Variants in NLRC4 observed in about 807,000 individuals in gnomAD.
The protein encoded by NLRC4 is NLR family CARD domain-containing protein 4.
Under a neutral mutation model 79.9 loss-of-function variants are expected in NLRC4, and 63 were observed. That is an observed-to-expected ratio of 0.79 (90% CI 0.64 to 0.97). The LOEUF (loss-of-function observed/expected upper bound fraction) is 0.97, where lower values mean the gene tolerates loss of function less well. Among genes scored for constraint, NLRC4 ranks in the 50% least tolerant of loss-of-function variants. The pLI, the probability that NLRC4 is intolerant of heterozygous loss-of-function variation, is 0.00. For missense variants in NLRC4, 1,074 were observed against 1,215.2 expected, an observed-to-expected ratio of 0.88 and a Z score of 1.73; for synonymous variants, 461 against 456.5, an observed-to-expected ratio of 1.01 and a Z score of -0.12.
Position 32,249,310 on chromosome 2 carries a change from T to A in NLRC4, c.2257+297A>T, listed in dbSNP as rs944099897. Among the ~76,000 whole-genome samples, 25 of 152,220 alleles carry A rather than the reference T, an allele frequency of 1.6e-4. 1 individual carries two copies. Among genetic ancestry groups the A allele is most frequent in the Non-Finnish European group, 4.4e-5 (3 of 68,038 alleles). On this transcript the variant is annotated intron_variant, in intron 4 of 8. Coordinates refer to ENST00000402280, the MANE Select transcript of NLRC4 (RefSeq NM_001199138.2). ...GAACATGGGTTGTATGTTACATGCA[T>A]GTTTATTCAATATGCATGTATCAAG...
At position 32,252,458 on chromosome 2, in the gene NLRC4, C is replaced by T; in HGVS notation, c.223G>A (p.Glu75Lys). 1 of 1,609,774 alleles carries T rather than the reference C, an allele frequency of 6.2e-7. No homozygotes were observed. ...SCNLFLKSLK[E>K]WNYPLFQDLN... The stretch of plus-strand genomic sequence containing the variant: ...TCCTGAAATAGAGGATAGTTCCACT[C>T]CTTAAGGGATTTAAGAAAGAGGTTA... Residue 75 changes from glutamate (E) to lysine (K), a missense_variant, in exon 3 of 9, where the codon GAG becomes AAG. Physicochemically the swap from Glu to Lys is moderately conservative, Grantham distance 56. Transcript: ENST00000402280.
At chr2:32,233,349 A>ATATATATATATATT (rs1418146489) in intron 8 of NLRC4, among the ~76,000 whole-genome samples, 1 of 41,096 alleles carries the variant, frequency 2.4e-5, no homozygotes, top group Non-Finnish European at 4.4e-5. Flanking sequence ...ATATATATAT[A>ATATATATATATATT]TTTTTTTTTT....
rs746889400 is a variant in NLRC4, at chr2:32,252,681, T to C, written c.2-2A>G. On this transcript the variant is annotated splice_acceptor_variant, in intron 2 of 8. Coordinates refer to ENST00000402280, the MANE Select transcript of NLRC4 (RefSeq NM_001199138.2). LOFTEE classifies it high-confidence loss of function. ...GGCTATTGTCCTTTATGAAATTCAC[T>C]GAGGAGATGGGGAGAAATATACATA... The C allele has an allele frequency of 1.4e-5, 23 of 1,611,324 alleles. No individual in the cohort carries two copies. The East Asian group carries it at 4.9e-4, about 34-fold the overall frequency.
intron 8 of NLRC4, among the ~76,000 whole-genome samples, chr2:32,229,470 G>C (rs1385109135): frequency 2.0e-5 from 3 of 152,172 alleles, no homozygotes; most frequent in Non-Finnish European, 4.4e-5. Flanking sequence ...CTGCAGCCTG[G>C]AACAAAACAA....
intron 6 of NLRC4, among the ~76,000 whole-genome samples, chr2:32,237,148 C>G (rs1389885616): frequency 6.6e-6 from 1 of 152,160 alleles, no homozygotes; most frequent in African/African-American, 2.4e-5. Context: ...CATATTATCA[C>G]TCTTGCTTAA....
intron 8 of NLRC4, among the ~76,000 whole-genome samples, chr2:32,230,817 A>G (rs1362483211): frequency 1.3e-5 from 2 of 152,204 alleles, no homozygotes; most frequent in Non-Finnish European, 2.9e-5. Flanking sequence ...TGACAACTCT[A>G]TGTTTAACAT....
intron 8 of NLRC4, among the ~76,000 whole-genome samples, chr2:32,227,563 C>G (rs557106746): frequency 3.9e-5 from 6 of 152,242 alleles, no homozygotes; most frequent in Admixed American, 3.3e-4. Context: ...TTTTCTCCTT[C>G]TCAGCTAGCA....
At chr2:32,236,173 G>T in intron 7 of NLRC4, 74 bp downstream of exon 7, 1 of 908,990 alleles carries the variant, frequency 1.1e-6, no homozygotes, top group Non-Finnish European at 1.7e-6. Context: ...AAGACCTCAG[G>T]ACCCAGGCTA....
At chr2:32,228,266 C>T (rs941949250) in intron 8 of NLRC4, among the ~76,000 whole-genome samples, 6 of 152,124 alleles carry the variant, frequency 3.9e-5, no homozygotes, top group African/African-American at 9.7e-5. Context: ...AGAACACTTG[C>T]AATTGGGCTT....
At chr2:32,265,048 C>G (rs1250290327), upstream of NLRC4, among the ~76,000 whole-genome samples, 1 of 152,018 alleles carries the variant, frequency 6.6e-6, no homozygotes, top group Non-Finnish European at 1.5e-5. Context: ...GAAATTCCGT[C>G]AAGAAAGGAA....
chr2:32,243,746 C>T (rs1175890714), intron 4 of NLRC4, among the ~76,000 whole-genome samples: 4 of 147,254 alleles, frequency 2.7e-5, no homozygotes, highest in African/African-American at 5.1e-5. Flanking sequence ...TGCAGTGAGC[C>T]GAGATCGCAT....
chr2:32,265,131 A>G (rs1365943790), upstream of NLRC4, among the ~76,000 whole-genome samples: 2 of 152,094 alleles, frequency 1.3e-5, no homozygotes, highest in Non-Finnish European at 2.9e-5. Flanking sequence ...TATACCTTAA[A>G]ATGAAACAAA....
In NLRC4 at chr2:32,224,456, C is replaced by T. The variant is rs771310570; in HGVS notation, c.*17G>A. On this transcript the variant is annotated 3_prime_UTR_variant, in exon 9 of 9. Transcript: ENST00000402280. The stretch of plus-strand genomic sequence containing the variant: ...AATGAGGTCCCAGAGCACTTACTGG[C>T]TTCGAGTACACTTTATTTAAGCAGT... 7 of 1,556,378 alleles carry T rather than the reference C, an allele frequency of 4.5e-6. No homozygotes were observed. In the South Asian group the frequency reaches 6.1e-5, roughly 14 times the overall value.
At chr2:32,259,262 ATTTTTT>A (rs57570626) in intron 1 of NLRC4, among the ~76,000 whole-genome samples, 59 of 52,898 alleles carry the variant, frequency 1.1e-3, no homozygotes, top group African/African-American at 3.5e-3. Context: ...TGCCTGGCTA[ATTTTTT>A]TTTTTTTTTT....
chr2:32,233,349 A>ATATATATATTTT (rs1418146489), intron 8 of NLRC4, among the ~76,000 whole-genome samples: 5 of 41,098 alleles, frequency 1.2e-4, no homozygotes, highest in Non-Finnish European at 1.8e-4. Context: ...ATATATATAT[A>ATATATATATTTT]TTTTTTTTTT....
chr2:32,257,350 G>A (rs1687230367), intron 1 of NLRC4, among the ~76,000 whole-genome samples: 1 of 152,248 alleles, frequency 6.6e-6, no homozygotes, highest in Non-Finnish European at 1.5e-5. Context: ...GCTCACGCCT[G>A]TAATCCCAAC....
intron 4 of NLRC4, among the ~76,000 whole-genome samples, chr2:32,243,125 T>C (rs1365497329): frequency 4.6e-5 from 7 of 151,098 alleles, no homozygotes; most frequent in Admixed American, 4.6e-4. Context: ...AGAAAGAAAA[T>C]TGAGGCTGGG....
chr2:32,246,500 G>A (rs1686941032), intron 4 of NLRC4, among the ~76,000 whole-genome samples: 2 of 152,206 alleles, frequency 1.3e-5, no homozygotes, highest in Admixed American at 1.3e-4. Context: ...GGCAGAGCTG[G>A]GTGGGAAATT....
chr2:32,228,808 G>T (rs1477862180), intron 8 of NLRC4, among the ~76,000 whole-genome samples: 10 of 151,076 alleles, frequency 6.6e-5, no homozygotes, highest in African/African-American at 2.4e-4. Flanking sequence ...TGGCTCTGTT[G>T]CCCAGGAGTG....
Sources: allele counts gnomAD v4.1 joint callset (sites outside exome capture counted in the v4.1 genomes callset), GRCh38; gene constraint gnomAD v4.1.1; transcripts MANE v1.5; gene names NCBI Gene and HGNC (gene_info 2026-07-23, HGNC 2026-07-21).